Variants in TUBB8B observed in about 807,000 individuals in gnomAD.
TUBB8B encodes tubulin beta 8B, also known as HSA18p11 beta-tubulin 4Q pseudogene.
A neutral mutation model predicts 31.9 loss-of-function variants in TUBB8B; 26 were observed. The ratio of observed to expected loss-of-function variants is 0.81; its 90% confidence interval spans 0.60 to 1.13. TUBB8B has a LOEUF of 1.13. Ranked by LOEUF, TUBB8B falls within the 50% of genes most tolerant of loss-of-function variation. The pLI, the probability that TUBB8B is intolerant of heterozygous loss-of-function variation, is 0.00. For synonymous variants in TUBB8B, 173 were observed against 231.0 expected (o/e 0.75, Z 2.28); for missense variants, 467 against 586.7 (o/e 0.80, Z 2.11).
chr18:54,879 T>C, the TUBB8B span, among the ~76,000 whole-genome samples: 2 of 152,016 alleles, frequency 1.3e-5, no homozygotes, highest in Non-Finnish European at 2.9e-5. Flanking sequence ...TGAAATGATA[T>C]CTCATTTTGG....
chr18:51,640 A>G (rs1233116719), upstream of TUBB8B, among the ~76,000 whole-genome samples: 1 of 151,826 alleles, frequency 6.6e-6, no homozygotes, highest in Non-Finnish European at 1.5e-5. Context: ...GAGTTTCACC[A>G]TGTTGGCCAG....
chr18:68,598 A>G, the TUBB8B span, among the ~76,000 whole-genome samples: 2 of 152,158 alleles, frequency 1.3e-5, no homozygotes. Context: ...TGCTCTCCTC[A>G]GTGCAACCCA....
chr18:66,215 C>A, the TUBB8B span, among the ~76,000 whole-genome samples: 2 of 152,048 alleles, frequency 1.3e-5, no homozygotes, highest in African/African-American at 2.4e-5. Flanking sequence ...ACCAACAGGG[C>A]AAAACCATGC....
the TUBB8B span, among the ~76,000 whole-genome samples, chr18:72,828 G>T: frequency 6.6e-6 from 1 of 152,036 alleles, no homozygotes; most frequent in African/African-American, 2.4e-5. Context: ...TTAGCCGGGC[G>T]TGGTGGTGCA....
the TUBB8B span, among the ~76,000 whole-genome samples, chr18:59,061 G>C: frequency 1.3e-5 from 2 of 151,790 alleles, no homozygotes; most frequent in Non-Finnish European, 2.9e-5. Context: ...AAGTGGGATG[G>C]TGCTAAGCCA....
At position 47,608 on chromosome 18, in the gene TUBB8B, C is replaced by T. The variant is rs1271029897; in HGVS notation, c.1117G>A (p.Ala373Thr). 6.2e-7 allele frequency: 1 copy of T among 1,612,508 alleles called. No individual in the cohort carries two copies. Among genetic ancestry groups the T allele is most frequent in the Admixed American group, 1.7e-5 (1 of 60,002 alleles). The stretch of plus-strand genomic sequence containing the variant: ...ACACATGTGAAGAGTTCCTGGATGG[C>T]CGCATTATTCCCAATGAAGGTGGCT... ...MSATFIGNNA[A>T]IQELFTCVSE... The change falls in exon 4 of 4, where the codon GCC becomes ACC. Residue 373 changes from alanine (A) to threonine (T), a missense_variant. This residue lies in a region of TUBB8B where 208 missense variants were observed against 206.7 expected (regional missense o/e 1.01). Transcript: ENST00000308911.
intron 1 of TUBB8B, 48 bp downstream of exon 1, chr18:49,453 A>T (rs745671245): frequency 6.4e-6 from 6 of 933,456 alleles, no homozygotes; most frequent in Non-Finnish European, 1.0e-5. Flanking sequence ...CATCTTCCCC[A>T]GCCACCCGGC....
the TUBB8B span, chr18:73,346 C>G: frequency 6.0e-6 from 1 of 166,166 alleles, no homozygotes; most frequent in African/African-American, 2.4e-5. Context: ...CCCGGAGCTG[C>G]AGCAGCGTCT....
At chr18:58,799 G>A in the TUBB8B span, among the ~76,000 whole-genome samples, 1 of 151,624 alleles carries the variant, frequency 6.6e-6, no homozygotes, top group African/African-American at 2.4e-5. Flanking sequence ...ATAAATACCT[G>A]AGACTGGGTA....
At chr18:57,248 C>G in the TUBB8B span, among the ~76,000 whole-genome samples, 1 of 151,700 alleles carries the variant, frequency 6.6e-6, no homozygotes, top group Non-Finnish European at 1.5e-5. Flanking sequence ...AAAGTCTCAT[C>G]TAAGACAAAG....
intron 3 of TUBB8B, 128 bp downstream of exon 3, chr18:48,812 C>T: frequency 7.9e-6 from 6 of 762,328 alleles, no homozygotes; most frequent in Non-Finnish European, 1.4e-5. Context: ...TGAAGCGACT[C>T]GACTCGGCGG....
chr18:55,061 G>A, the TUBB8B span, among the ~76,000 whole-genome samples: 18 of 151,918 alleles, frequency 1.2e-4, no homozygotes, highest in African/African-American at 4.3e-4. Context: ...TAGTGTATTA[G>A]TCTGTTTCTG....
chr18:47,293 T>G lies in TUBB8B; in HGVS notation c.*97A>C. The G allele has an allele frequency of 1.7e-6, 1 of 585,510 alleles. No homozygotes were observed. The highest frequency in any genetic ancestry group is 3.0e-6 in the Non-Finnish European group (1 of 335,690). The allele number at this position is 585,510 out of a possible 1,614,324, so 36.3% of individuals were successfully genotyped here. On this transcript the variant is annotated 3_prime_UTR_variant, in exon 4 of 4. Transcript: ENST00000308911. ...ATGCTTTAAAACGCAGCAGGAGATG[T>G]GAAGACACAAATTAACAAGCGTATA...
upstream of TUBB8B, chr18:49,694 G>A: frequency 1.4e-6 from 1 of 702,972 alleles, no homozygotes; most frequent in South Asian, 1.5e-5. Flanking sequence ...CCCAGAATAA[G>A]CAACAGCTTT....
intron 3 of TUBB8B, chr18:48,665 C>T (rs1905864952): frequency 3.0e-6 from 2 of 660,186 alleles, no homozygotes; most frequent in Non-Finnish European, 5.5e-6. Context: ...TCACAGACCT[C>T]GCTGCAGGTG....
the TUBB8B span, among the ~76,000 whole-genome samples, chr18:65,748 G>C: frequency 2.6e-5 from 4 of 152,114 alleles, no homozygotes; most frequent in Admixed American, 2.6e-4. Context: ...TATGTGTTTG[G>C]AAGCAGTAAA....
upstream of TUBB8B, chr18:49,639 G>A (rs57530517): frequency 2.7e-6 from 2 of 729,282 alleles, no homozygotes; most frequent in South Asian, 1.5e-5. Context: ...CTCCGCTAAC[G>A]CTTAAATAGC....
chr18:55,301 A>G, the TUBB8B span, among the ~76,000 whole-genome samples: 23 of 151,878 alleles, frequency 1.5e-4, no homozygotes, highest in African/African-American at 5.1e-4. Flanking sequence ...GGGTTTCACC[A>G]TCTTGGCCAG....
the TUBB8B span, among the ~76,000 whole-genome samples, chr18:63,675 A>AC: frequency 1.4e-5 from 2 of 146,594 alleles, no homozygotes; most frequent in Non-Finnish European, 3.0e-5. Flanking sequence ...CTTAGCCCTA[A>AC]CCCTAACCCT....
Sources: allele counts gnomAD v4.1 joint callset (sites outside exome capture counted in the v4.1 genomes callset), GRCh38; gene constraint gnomAD v4.1.1; regional missense constraint gnomAD v4.1.1; transcripts MANE v1.5; gene names NCBI Gene and HGNC (gene_info 2026-07-23, HGNC 2026-07-21).